The following TUSC3 variants were observed in gnomAD, a reference collection of about 807,000 sequenced individuals.
TUSC3 encodes dolichyl-diphosphooligosaccharide--protein glycosyltransferase subunit TUSC3.
A neutral mutation model predicts 44.8 loss-of-function variants in TUSC3; 45 were observed. The observed-to-expected ratio is 1.00, with a 90% CI of 0.79 to 1.29. The LOEUF (loss-of-function observed/expected upper bound fraction) is 1.29. TUSC3 is among the 50% of genes most tolerant of loss of function. TUSC3 has a pLI of 0.00. For synonymous variants in TUSC3, 212 were observed against 152.9 expected (o/e 1.39, Z -2.85); for missense variants, 519 against 437.9 (o/e 1.19, Z -1.65).
intron 2 of TUSC3, among the ~76,000 whole-genome samples, chr8:15,494,037 G>T (rs1199033370): frequency 1.3e-5 from 2 of 152,148 alleles, no homozygotes; most frequent in African/African-American, 2.4e-5. Flanking sequence ...TACACTCGTG[G>T]CATGCTTGAG....
intron 1 of TUSC3, among the ~76,000 whole-genome samples, chr8:15,596,154 C>G (rs570085268): frequency 1.3e-5 from 2 of 152,068 alleles, no homozygotes; most frequent in Admixed American, 6.6e-5. Flanking sequence ...ATTTTATAGT[C>G]GCAAGTTCTA....
chr8:15,627,396 T>G (rs753476336), intron 2 of TUSC3, among the ~76,000 whole-genome samples: 4 of 152,226 alleles, frequency 2.6e-5, no homozygotes, highest in Non-Finnish European at 4.4e-5. Context: ...CTAAAGCTCC[T>G]CTTTGTCTTA....
chr8:15,696,709 G>A (rs554618852), intron 6 of TUSC3, among the ~76,000 whole-genome samples: 1 of 152,290 alleles, frequency 6.6e-6, no homozygotes, highest in South Asian at 2.1e-4. Flanking sequence ...TCTTGTTAAG[G>A]ATTTTAGCAC....
At chr8:15,587,354 A>G (rs368195148) in intron 1 of TUSC3, among the ~76,000 whole-genome samples, 6 of 152,078 alleles carry the variant, frequency 3.9e-5, no homozygotes, top group Non-Finnish European at 8.8e-5. Flanking sequence ...GCATTATAAC[A>G]TTATGTTTTG....
chr8:15,426,613 A>G (rs1332276050), intron 1 of TUSC3, among the ~76,000 whole-genome samples: 1 of 152,158 alleles, frequency 6.6e-6, no homozygotes, highest in Non-Finnish European at 1.5e-5. Context: ...ATACTGCATT[A>G]TATGTTATTT....
intron 2 of TUSC3, among the ~76,000 whole-genome samples, chr8:15,524,592 G>A (rs1190211088): frequency 1.3e-5 from 2 of 152,158 alleles, no homozygotes. Context: ...GTCTCAAAGA[G>A]CGTAATTGGT....
At chr8:15,837,362 T>G in the TUSC3 span, among the ~76,000 whole-genome samples, 16,452 of 152,156 alleles carry the variant, frequency 0.11, 1,141 homozygotes, top group Admixed American at 0.21. Flanking sequence ...TTAAATGTAT[T>G]GGATTATGTA....
At chr8:15,574,471 C>A (rs1254982584) in intron 1 of TUSC3, among the ~76,000 whole-genome samples, 1 of 152,112 alleles carries the variant, frequency 6.6e-6, no homozygotes, top group Non-Finnish European at 1.5e-5. Flanking sequence ...CAGACTCTCT[C>A]TTTTGCTTAG....
chr8:15,568,116 C>G lies in TUSC3; in HGVS notation c.138+27548C>G, dbSNP rs544805498. On this transcript the variant is annotated intron_variant, in intron 1 of 10. Coordinates refer to ENST00000503731, the MANE Select transcript of TUSC3 (RefSeq NM_006765.4). ...ACTAGAGCCATTCTCTGAGATTTGTCCAAATGGAACTAGCAGAATGATTAC... is the reference window on the plus strand; with the variant it reads ...ACTAGAGCCATTCTCTGAGATTTGTGCAAATGGAACTAGCAGAATGATTAC... Among the ~76,000 whole-genome samples, 147 of 152,192 alleles carry G rather than the reference C, an allele frequency of 9.7e-4. 1 individual carries two copies. The South Asian group carries it at 0.021, about 21-fold the overall frequency.
intron 6 of TUSC3, among the ~76,000 whole-genome samples, chr8:15,675,997 G>T (rs1247774645): frequency 6.6e-6 from 1 of 152,066 alleles, no homozygotes; most frequent in Non-Finnish European, 1.5e-5. Context: ...TAAGTTCTTT[G>T]AGACATCTCC....
chr8:15,561,407 A>T (rs1456894668), intron 1 of TUSC3, among the ~76,000 whole-genome samples: 1 of 139,606 alleles, frequency 7.2e-6, no homozygotes, highest in African/African-American at 2.6e-5. Flanking sequence ...CTCTCTTAAA[A>T]GCTGTCAGAC....
At chr8:15,462,912 C>A (rs1800365183) in intron 1 of TUSC3, among the ~76,000 whole-genome samples, 1 of 151,982 alleles carries the variant, frequency 6.6e-6, no homozygotes, top group South Asian at 2.1e-4. Context: ...AGAACAAGTT[C>A]AAAACCAATT....
intron 6 of TUSC3, among the ~76,000 whole-genome samples, chr8:15,694,752 G>C (rs1308365446): frequency 1.3e-5 from 2 of 152,160 alleles, no homozygotes; most frequent in Admixed American, 6.5e-5. Flanking sequence ...TGGGGGGCTG[G>C]TTTCAGGCCC....
chr8:15,836,147 T>A, the TUSC3 span, among the ~76,000 whole-genome samples: 2 of 151,956 alleles, frequency 1.3e-5, no homozygotes, highest in African/African-American at 2.4e-5. Context: ...TAAAATTATT[T>A]TTTTTTGTTT....
At chr8:15,574,146 TCA>T (rs1802998854) in intron 1 of TUSC3, among the ~76,000 whole-genome samples, 1 of 152,164 alleles carries the variant, frequency 6.6e-6, no homozygotes, top group South Asian at 2.1e-4. Context: ...TCAATCCATT[TCA>T]CAGTCACCTG....
intron 6 of TUSC3, among the ~76,000 whole-genome samples, chr8:15,728,223 C>T (rs1370558398): frequency 3.9e-5 from 6 of 152,100 alleles, no homozygotes; most frequent in Non-Finnish European, 8.8e-5. Flanking sequence ...ATAGTTTTGA[C>T]AGTATTCATC....
chr8:15,521,629 G>A (rs993550315), intron 2 of TUSC3, among the ~76,000 whole-genome samples: 1 of 151,490 alleles, frequency 6.6e-6, no homozygotes, highest in Admixed American at 6.6e-5. Flanking sequence ...CCAAAAAAAG[G>A]TACGTGCATA....
chr8:15,690,759 C>T (rs1489408346), intron 6 of TUSC3, among the ~76,000 whole-genome samples: 1 of 152,034 alleles, frequency 6.6e-6, no homozygotes. Flanking sequence ...AATAGGGAAT[C>T]CTTTCCCCAT....
chr8:15,609,076 T>A (rs1792410472), intron 1 of TUSC3, among the ~76,000 whole-genome samples: 1 of 152,210 alleles, frequency 6.6e-6, no homozygotes, highest in South Asian at 2.1e-4. Context: ...TGAATTTTTC[T>A]TTGTTTTGAC....
Sources: allele counts gnomAD v4.1 joint callset (sites outside exome capture counted in the v4.1 genomes callset), GRCh38; gene constraint gnomAD v4.1.1; transcripts MANE v1.5; gene names NCBI Gene and HGNC (gene_info 2026-07-23, HGNC 2026-07-21).